The following BTRC variants were observed in gnomAD, a reference collection of about 807,000 sequenced individuals.
The protein encoded by BTRC is F-box/WD repeat-containing protein 1A.
Under a neutral mutation model 85.5 loss-of-function variants are expected in BTRC, and 42 were observed. The ratio of observed to expected loss-of-function variants is 0.49; its 90% CI spans 0.38 to 0.64. BTRC has a LOEUF of 0.64. Ranked by LOEUF, BTRC falls within the 30% of genes least tolerant of loss-of-function variation. The pLI, the probability that BTRC is intolerant of heterozygous loss-of-function variation, is 0.00. For synonymous variants in BTRC, 255 were observed against 263.3 expected (o/e 0.97, Z 0.30); for missense variants, 594 against 743.5 (o/e 0.80, Z 2.34).
At chr10:101,493,551 G>A (rs75820490) in intron 4 of BTRC, among the ~76,000 whole-genome samples, 10,145 of 152,232 alleles carry the variant, frequency 0.067, 356 homozygotes, top group Non-Finnish European at 0.074. Flanking sequence ...TAGCAAATGG[G>A]GGGATTATCT....
intron 1 of BTRC, among the ~76,000 whole-genome samples, chr10:101,380,169 C>T (rs969088467): frequency 3.9e-4 from 60 of 152,220 alleles, no homozygotes; most frequent in African/African-American, 1.4e-3. Flanking sequence ...TCCTAGATGT[C>T]ATAGATATTG....
intron 12 of BTRC, among the ~76,000 whole-genome samples, chr10:101,537,760 A>G (rs2062408819): frequency 6.6e-6 from 1 of 152,238 alleles, no homozygotes; most frequent in African/African-American, 2.4e-5. Flanking sequence ...GAAATTGTTC[A>G]GAGTGTGGTG....
intron 1 of BTRC, among the ~76,000 whole-genome samples, chr10:101,361,421 T>C (rs1266487961): frequency 1.3e-5 from 2 of 152,262 alleles, no homozygotes; most frequent in African/African-American, 2.4e-5. Flanking sequence ...TATTTTAATA[T>C]AGCACAGAAG....
rs879315805 is a variant in BTRC at position 101,380,375 on chromosome 10, CT to C, written c.48+26159del. 2.0e-3 allele frequency among the ~76,000 whole-genome samples: 290 copies of C among 144,636 alleles called. 2 individuals carry two copies. Among genetic ancestry groups the C allele is most frequent in the East Asian group, 4.0e-3 (20 of 5,034 alleles). 94.9% of individuals were successfully genotyped at this position (144,636 alleles called of 152,430 possible). ...AAAGATGAATTAGATTTAACAACCT[CT>C]TTTTTTTTTTTAATTAAAAAGTAAA... On this transcript the variant is annotated intron_variant, in intron 1 of 14. Coordinates refer to ENST00000370187, the MANE Select transcript of BTRC (RefSeq NM_033637.4).
chr10:101,489,628 G>C (rs1946078077), intron 4 of BTRC, among the ~76,000 whole-genome samples: 1 of 151,972 alleles, frequency 6.6e-6, no homozygotes, highest in Admixed American at 6.6e-5. Flanking sequence ...TTTTATTCTT[G>C]CGTCATGACT....
chr10:101,363,836 T>C (rs542761966), intron 1 of BTRC, among the ~76,000 whole-genome samples: 149 of 152,286 alleles, frequency 9.8e-4, no homozygotes, highest in Admixed American at 2.2e-3. Context: ...GATTTACATA[T>C]AGGTTTCCTG....
chr10:101,464,951 G>T (rs1041301045), intron 3 of BTRC, among the ~76,000 whole-genome samples: 1 of 152,006 alleles, frequency 6.6e-6, no homozygotes, highest in African/African-American at 2.4e-5. Flanking sequence ...AATAGAAGCG[G>T]GTCACAGGGC....
At chr10:101,492,561 A>T (rs1407030895) in intron 4 of BTRC, among the ~76,000 whole-genome samples, 2 of 152,142 alleles carry the variant, frequency 1.3e-5, no homozygotes, top group Non-Finnish European at 2.9e-5. Context: ...CTGATTTTTT[A>T]AAAAATCTGT....
Position 101,555,648 on chromosome 10 carries a change from C to T in BTRC, c.*2525C>T, listed in dbSNP as rs1018003849. Reference sequence around the variant, plus strand: ...CCCACTTACCATCTCTGCATGATTTCAGTGGGAATTGATTATCACTAATCC... The same window carrying T: ...CCCACTTACCATCTCTGCATGATTTTAGTGGGAATTGATTATCACTAATCC... On this transcript the variant is annotated 3_prime_UTR_variant, in exon 15 of 15. Transcript: ENST00000370187. 5 of 152,616 alleles carry T rather than the reference C, an allele frequency of 3.3e-5. No homozygotes were observed. The highest frequency in any genetic ancestry group is 1.2e-4 in the African/African-American group (5 of 41,436). The allele number at this position is 152,616 out of a possible 1,614,324, so 9.5% of individuals were successfully genotyped here.
intron 8 of BTRC, 151 bp downstream of exon 8, chr10:101,532,583 T>TA: frequency 1.9e-6 from 2 of 1,073,280 alleles, no homozygotes; most frequent in East Asian, 2.7e-5. Flanking sequence ...ATCATTTCCT[T>TA]AAAGGACAGA....
intron 1 of BTRC, among the ~76,000 whole-genome samples, chr10:101,369,496 G>A (rs1942571674): frequency 6.6e-6 from 1 of 152,174 alleles, no homozygotes; most frequent in Admixed American, 6.5e-5. Flanking sequence ...CTTGTTTACT[G>A]AAAGATACTC....
intron 13 of BTRC, 89 bp from the exon 14 acceptor site, chr10:101,550,610 C>T (rs970889481): frequency 2.9e-6 from 4 of 1,399,382 alleles, no homozygotes; most frequent in Admixed American, 1.8e-5. Flanking sequence ...ATAGCCTTTC[C>T]GTAGACTCCT....
At chr10:101,400,771 GAA>G (rs1056159131) in intron 1 of BTRC, among the ~76,000 whole-genome samples, 10 of 152,212 alleles carry the variant, frequency 6.6e-5, no homozygotes, top group African/African-American at 2.4e-4. Flanking sequence ...TCTAGGGGAA[GAA>G]AAGAGTGTTG....
intron 1 of BTRC, among the ~76,000 whole-genome samples, chr10:101,368,502 C>G (rs1368816588): frequency 1.0e-5 from 1 of 98,786 alleles, no homozygotes; most frequent in African/African-American, 4.2e-5. Context: ...TTTTTAGAGA[C>G]AGGGTCTCAC....
intron 12 of BTRC, 67 bp from the exon 13 acceptor site, chr10:101,538,226 C>A (rs529601997): frequency 1.6e-6 from 2 of 1,287,542 alleles, no homozygotes; most frequent in East Asian, 4.6e-5. Context: ...TGAATTTCTG[C>A]TATTCTTCCC....
At chr10:101,535,188 A>G (rs985348814) in intron 10 of BTRC, among the ~76,000 whole-genome samples, 166 bp from the exon 11 acceptor site, 2 of 152,198 alleles carry the variant, frequency 1.3e-5, no homozygotes, top group Non-Finnish European at 2.9e-5. Context: ...CCAACTGCAA[A>G]TTAGCCTCTG....
intron 4 of BTRC, among the ~76,000 whole-genome samples, chr10:101,504,141 C>A (rs1564811493): frequency 6.6e-6 from 1 of 152,168 alleles, no homozygotes; most frequent in African/African-American, 2.4e-5. Context: ...GTAATCTTAA[C>A]ATAATTTGAC....
intron 2 of BTRC, among the ~76,000 whole-genome samples, chr10:101,438,225 GA>G (rs1944582323): frequency 6.6e-6 from 1 of 151,944 alleles, no homozygotes; most frequent in African/African-American, 2.4e-5. Flanking sequence ...AGGAGATTGA[GA>G]CCATCCTGGC....
At chr10:101,469,105 T>C (rs1342025390) in intron 3 of BTRC, among the ~76,000 whole-genome samples, 1 of 152,218 alleles carries the variant, frequency 6.6e-6, no homozygotes, top group South Asian at 2.1e-4. Flanking sequence ...AACGCAAAAC[T>C]CTCTGCCTCT....
Sources: gnomAD v4.1 joint callset for allele counts (sites outside exome capture counted in the v4.1 genomes callset) on GRCh38, gnomAD v4.1.1 for gene constraint, MANE v1.5 for transcripts, NCBI Gene and HGNC (gene_info 2026-07-23, HGNC 2026-07-21) for gene names.